Variants in ITPRID1 observed in about 807,000 individuals in gnomAD.
The protein encoded by ITPRID1 is ITPR interacting domain containing 1, also known as protein ITPRID1.
ITPRID1 carries 96 observed loss-of-function variants against 95.4 expected under a neutral mutation model. That is an observed-to-expected ratio of 1.01 (90% CI 0.85 to 1.19). The LOEUF (loss-of-function observed/expected upper bound fraction) is 1.19. ITPRID1 is among the 50% of genes most tolerant of loss of function. The probability of loss-of-function intolerance (pLI) is 0.00; values close to 1 mark genes in which losing one functional copy is unlikely to be tolerated. For missense variants in ITPRID1, 1,339 were observed against 1,252.9 expected, an observed-to-expected ratio of 1.07 and a Z score of -1.04; for synonymous variants, 510 against 453.6, an observed-to-expected ratio of 1.12 and a Z score of -1.58.
chr7:31,593,153 A>G (rs935007217), intron 10 of ITPRID1, among the ~76,000 whole-genome samples: 1 of 152,040 alleles, frequency 6.6e-6, no homozygotes, highest in Admixed American at 6.6e-5. Flanking sequence ...AAAAATACAA[A>G]AAGTAGCTGG....
At chr7:31,518,833 T>C (rs1169474462) in intron 1 of ITPRID1, among the ~76,000 whole-genome samples, 5 of 152,188 alleles carry the variant, frequency 3.3e-5, no homozygotes, top group African/African-American at 4.8e-5. Flanking sequence ...ATTTAAAACC[T>C]ACAGAAAAAG....
chr7:31,610,964 A>G (rs569445549), intron 10 of ITPRID1, among the ~76,000 whole-genome samples: 73 of 151,706 alleles, frequency 4.8e-4, no homozygotes, highest in African/African-American at 1.7e-3. Flanking sequence ...TAATGTAATT[A>G]TTGATAAGGT....
chr7:31,556,531 C>A (rs772475269), intron 5 of ITPRID1, among the ~76,000 whole-genome samples: 3 of 152,092 alleles, frequency 2.0e-5, no homozygotes, highest in Admixed American at 2.0e-4. Context: ...ATCAGCCCCA[C>A]TGCATGCTGG....
At position 31,642,840 on chromosome 7, in the gene ITPRID1, G is replaced by C; in HGVS notation, c.1470G>C (p.Ala490=). The C allele has an allele frequency of 6.2e-7, 1 of 1,614,002 alleles. No individual in the cohort carries two copies. Among genetic ancestry groups the C allele is most frequent in the Non-Finnish European group, 8.5e-7 (1 of 1,179,876 alleles). Reference sequence around the variant, plus strand: ...GCATGTCTTTTTCAAGCCAAGAAGCGAATGCCTTGGAACAAAGGGCCTCAG... The same window carrying C: ...GCATGTCTTTTTCAAGCCAAGAAGCCAATGCCTTGGAACAAAGGGCCTCAG... ...RASMSFSSQE[A]NALEQRASVS... The change falls in exon 12 of 15, where the codon GCG becomes GCC. Residue 490 remains alanine, a synonymous_variant. Coordinates refer to ENST00000615280, the MANE Select transcript of ITPRID1 (RefSeq NM_001257967.3).
At chr7:31,518,845 C>A (rs1474283696) in intron 1 of ITPRID1, among the ~76,000 whole-genome samples, 8 of 152,142 alleles carry the variant, frequency 5.3e-5, no homozygotes, top group Admixed American at 5.2e-4. Flanking sequence ...CAGAAAAAGT[C>A]TTCTAAACCA....
chr7:31,555,544 GA>G (rs35560661), intron 5 of ITPRID1, among the ~76,000 whole-genome samples: 87,726 of 150,630 alleles, frequency 0.58, 26,486 homozygotes, highest in Middle Eastern at 0.71. Flanking sequence ...GTACCATTTA[GA>G]AAAAAAAAAC....
chr7:31,610,875 C>T lies in ITPRID1; in HGVS notation c.1228+27684C>T, dbSNP rs571901042. ...GAATTTAAAATGTTTCTCTTGTGGA[C>T]CGCATGTAGTTAGATTATGTTTTAT... On this transcript the variant is annotated intron_variant, in intron 10 of 14. Transcript: ENST00000615280. Among the ~76,000 whole-genome samples, 152 of 151,496 alleles carry T rather than the reference C, an allele frequency of 1.0e-3. 2 individuals carry two copies. Among genetic ancestry groups the T allele is most frequent in the African/African-American group, 3.4e-3 (141 of 41,456 alleles).
In ITPRID1 at chr7:31,654,845, C is replaced by T. The variant is rs1243425428; in HGVS notation, c.*2016C>T. 6.6e-6 allele frequency among the ~76,000 whole-genome samples: 1 copy of T among 152,146 alleles called. No individual in the cohort carries two copies. The highest frequency in any genetic ancestry group is 1.5e-5 in the Non-Finnish European group (1 of 68,030). ...TCAGAAACTAATTCTATTGAAACCA[C>T]CCACTACTCAAAACCATCTCACATC... On this transcript the variant is annotated 3_prime_UTR_variant, in exon 15 of 15. Coordinates refer to ENST00000615280, the MANE Select transcript of ITPRID1 (RefSeq NM_001257967.3).
chr7:31,616,044 A>G (rs1394252178), intron 10 of ITPRID1, among the ~76,000 whole-genome samples: 1 of 152,076 alleles, frequency 6.6e-6, no homozygotes, highest in African/African-American at 2.4e-5. Flanking sequence ...CACCCAGCCG[A>G]GTTTACTGAG....
rs533644421 is a variant in ITPRID1 at position 31,576,352 on chromosome 7, A to G, written c.599-1511A>G. Among the ~76,000 whole-genome samples the G allele has an allele frequency of 9.8e-5, 15 of 152,334 alleles. No homozygotes were observed. The South Asian group carries it at 2.5e-3, about 25-fold the overall frequency. ...CAATCTACCCAAAGGCAAAAATAAAAGAAAACACTTATCCAATGCTTCAGA... is the reference window on the plus strand; with the variant it reads ...CAATCTACCCAAAGGCAAAAATAAAGGAAAACACTTATCCAATGCTTCAGA... On this transcript the variant is annotated intron_variant, in intron 8 of 14. Transcript: ENST00000615280.
At chr7:31,529,553 A>G (rs1562550097) in intron 1 of ITPRID1, 1 of 461,464 alleles carries the variant, frequency 2.2e-6, no homozygotes, top group Non-Finnish European at 3.8e-6. Flanking sequence ...TTTCTTGTAG[A>G]GAAGTGGGTA....
In ITPRID1 at chr7:31,574,528, T is replaced by A. The variant is rs753474162; in HGVS notation, c.396-12T>A. Reference sequence around the variant, plus strand: ...TGTTTCTGGATAAAGATATTCATATTTTTTACCACAGCATTCCTGAATGGC... The same window carrying A: ...TGTTTCTGGATAAAGATATTCATATATTTTACCACAGCATTCCTGAATGGC... On this transcript the variant is annotated splice_polypyrimidine_tract_variant and intron_variant, in intron 7 of 14. Transcript: ENST00000615280. 6.2e-7 allele frequency: 1 copy of A among 1,610,482 alleles called. No homozygotes were observed. The highest frequency in any genetic ancestry group is 1.1e-5 in the South Asian group (1 of 91,024).
At chr7:31,584,362 G>A (rs1012372912) in intron 10 of ITPRID1, among the ~76,000 whole-genome samples, 3 of 152,084 alleles carry the variant, frequency 2.0e-5, no homozygotes, top group Admixed American at 2.0e-4. Context: ...CCTGCTCTTC[G>A]AAGTAATTAC....
At chr7:31,557,617 A>C (rs890025372) in intron 5 of ITPRID1, among the ~76,000 whole-genome samples, 2 of 152,182 alleles carry the variant, frequency 1.3e-5, no homozygotes, top group African/African-American at 4.8e-5. Flanking sequence ...CAGCCTCTTC[A>C]TCAGTAGAAC....
intron 12 of ITPRID1, among the ~76,000 whole-genome samples, chr7:31,647,840 A>G (rs1264347023): frequency 2.6e-5 from 4 of 152,142 alleles, no homozygotes; most frequent in African/African-American, 9.7e-5. Context: ...AATATATAAC[A>G]CTGCAGATAA....
intron 12 of ITPRID1, among the ~76,000 whole-genome samples, chr7:31,650,294 G>A (rs544139146): frequency 6.6e-6 from 1 of 152,308 alleles, no homozygotes; most frequent in East Asian, 1.9e-4. Flanking sequence ...TCTCAGTCAG[G>A]CTTTTTATTG....
At chr7:31,623,574 T>C (rs928161966) in intron 10 of ITPRID1, among the ~76,000 whole-genome samples, 1 of 151,102 alleles carries the variant, frequency 6.6e-6, no homozygotes, top group African/African-American at 2.4e-5. Context: ...CTAAAAACTC[T>C]CAATAAATTA....
chr7:31,534,709 C>T (rs771225388), intron 1 of ITPRID1, among the ~76,000 whole-genome samples: 1 of 151,822 alleles, frequency 6.6e-6, no homozygotes, highest in Non-Finnish European at 1.5e-5. Flanking sequence ...ATCCAGTTGA[C>T]CATTTCTGTC....
At position 31,546,891 on chromosome 7, in the gene ITPRID1, A is replaced by G. The variant is rs148847763; in HGVS notation, c.-97-2535A>G. Among the ~76,000 whole-genome samples, 362 of 152,224 alleles carry G rather than the reference A, an allele frequency of 2.4e-3. 1 individual carries two copies. Among genetic ancestry groups the G allele is most frequent in the African/African-American group, 8.2e-3 (340 of 41,564 alleles). On this transcript the variant is annotated intron_variant, in intron 1 of 14. Transcript: ENST00000615280. Reference sequence around the variant, plus strand: ...GGAGGCATGTAGACAGAAAAGATAAAGGGGTTAGGATTGAGGTATAGATCA... The same window carrying G: ...GGAGGCATGTAGACAGAAAAGATAAGGGGGTTAGGATTGAGGTATAGATCA...
Sources: allele counts gnomAD v4.1 joint callset (sites outside exome capture counted in the v4.1 genomes callset), GRCh38; gene constraint gnomAD v4.1.1; transcripts MANE v1.5; gene names NCBI Gene and HGNC (gene_info 2026-07-23, HGNC 2026-07-21).